Variants in STXBP6 observed in about 807,000 individuals in gnomAD.
STXBP6 encodes syntaxin-binding protein 6.
In STXBP6, 21 loss-of-function variants were observed where a neutral mutation model predicts 26.9. That is an observed-to-expected ratio of 0.78 (90% CI 0.55 to 1.12). The LOEUF is 1.12. STXBP6 is among the 50% of genes most tolerant of loss of function. The pLI, the probability that STXBP6 is intolerant of heterozygous loss-of-function variation, is 0.00. For synonymous variants in STXBP6, 97 were observed against 92.6 expected, an observed-to-expected ratio of 1.05 and a Z score of -0.27; for missense variants, 232 against 257.9, an observed-to-expected ratio of 0.90 and a Z score of 0.69.
intron 2 of STXBP6, among the ~76,000 whole-genome samples, chr14:24,965,205 G>A (rs1461151048): frequency 6.6e-6 from 1 of 151,976 alleles, no homozygotes; most frequent in East Asian, 1.9e-4. Flanking sequence ...CAAACCAGAG[G>A]GGAATGGGGA....
At chr14:24,915,015 C>T (rs1270397712) in intron 2 of STXBP6, among the ~76,000 whole-genome samples, 1 of 152,076 alleles carries the variant, frequency 6.6e-6, no homozygotes, top group Non-Finnish European at 1.5e-5. Flanking sequence ...AAGTTTGGTT[C>T]AACATTGTCT....
chr14:24,922,749 A>G (rs1279769952), intron 2 of STXBP6, among the ~76,000 whole-genome samples: 3 of 152,120 alleles, frequency 2.0e-5, no homozygotes, highest in South Asian at 2.1e-4. Flanking sequence ...GGGAAACCTT[A>G]TAACAATTCC....
intron 1 of STXBP6, among the ~76,000 whole-genome samples, chr14:25,028,829 T>G (rs961811466): frequency 3.3e-5 from 5 of 152,108 alleles, no homozygotes; most frequent in African/African-American, 1.2e-4. Context: ...ATATCAACAT[T>G]AACACGAGCT....
chr14:24,826,531 ATGCC>A (rs2068289463), intron 4 of STXBP6, among the ~76,000 whole-genome samples: 2 of 152,126 alleles, frequency 1.3e-5, no homozygotes, highest in African/African-American at 4.8e-5. Context: ...TTACTTTCGT[ATGCC>A]ACAATTCTTT....
intron 2 of STXBP6, among the ~76,000 whole-genome samples, chr14:24,944,379 A>G (rs1024779570): frequency 6.6e-6 from 1 of 152,140 alleles, no homozygotes; most frequent in African/African-American, 2.4e-5. Flanking sequence ...AATTCTAACT[A>G]AAGTTATTTT....
intron 1 of STXBP6, among the ~76,000 whole-genome samples, chr14:25,022,369 T>C (rs773937136): frequency 2.0e-5 from 3 of 152,184 alleles, no homozygotes; most frequent in Admixed American, 6.5e-5. Context: ...AGTTCCCCCA[T>C]AGGCTCAGAA....
intron 1 of STXBP6, among the ~76,000 whole-genome samples, chr14:25,042,534 A>G (rs1156672140): frequency 6.6e-6 from 1 of 152,330 alleles, no homozygotes; most frequent in African/African-American, 2.4e-5. Flanking sequence ...TCTTACTCTG[A>G]TCATACAGAT....
chr14:25,016,950 G>A (rs1327853099), intron 1 of STXBP6, among the ~76,000 whole-genome samples: 1 of 152,146 alleles, frequency 6.6e-6, no homozygotes, highest in Admixed American at 6.6e-5. Flanking sequence ...GAAATTGGAG[G>A]TAAGTGCCGT....
chr14:24,988,222 AAC>A (rs2074381795), intron 1 of STXBP6, among the ~76,000 whole-genome samples: 1 of 152,332 alleles, frequency 6.6e-6, no homozygotes, highest in East Asian at 1.9e-4. Context: ...GGTCCTTATT[AAC>A]AGAGGTAACA....
At chr14:25,001,671 C>A (rs2074764317) in intron 1 of STXBP6, among the ~76,000 whole-genome samples, 1 of 152,136 alleles carries the variant, frequency 6.6e-6, no homozygotes, top group Non-Finnish European at 1.5e-5. Context: ...TATCAGAGTT[C>A]TTTTAAATTC....
rs74037460 is a variant in STXBP6 at position 25,020,857 on chromosome 14, G to A, written c.-33+29021C>T. Reference sequence around the variant, plus strand: ...AACCTCCCTTTGTCTTTCCCCTTCCGCCCAACCCCAGTCTTAGATGATGCC... The same window carrying A: ...AACCTCCCTTTGTCTTTCCCCTTCCACCCAACCCCAGTCTTAGATGATGCC... On this transcript the variant is annotated intron_variant, in intron 1 of 5. Coordinates refer to ENST00000323944, the MANE Select transcript of STXBP6 (RefSeq NM_001394410.1). Among the ~76,000 whole-genome samples, 883 of 152,010 alleles carry A rather than the reference G, an allele frequency of 5.8e-3. 9 individuals carry two copies. Among genetic ancestry groups the A allele is most frequent in the African/African-American group, 0.02 (830 of 41,456 alleles).
intron 2 of STXBP6, among the ~76,000 whole-genome samples, chr14:24,970,953 A>C (rs2073888984): frequency 6.6e-6 from 1 of 152,224 alleles, no homozygotes; most frequent in African/African-American, 2.4e-5. Context: ...GAGGCATCTC[A>C]GTACATAAGC....
intron 2 of STXBP6, among the ~76,000 whole-genome samples, chr14:24,902,699 C>T (rs2071256035): frequency 6.6e-6 from 1 of 152,108 alleles, no homozygotes; most frequent in Admixed American, 6.6e-5. Flanking sequence ...GTCAATTAGG[C>T]CTATTTCCTA....
chr14:24,881,506 A>C (rs916432839), intron 2 of STXBP6, among the ~76,000 whole-genome samples: 1 of 137,348 alleles, frequency 7.3e-6, no homozygotes, highest in Non-Finnish European at 1.7e-5. Flanking sequence ...GAAGTAAAAC[A>C]GCAGAGATGA....
At chr14:24,899,354 T>A (rs1406894141) in intron 2 of STXBP6, among the ~76,000 whole-genome samples, 2 of 152,196 alleles carry the variant, frequency 1.3e-5, no homozygotes, top group Non-Finnish European at 2.9e-5. Flanking sequence ...AGAGACATGT[T>A]AACAAACTTT....
intron 1 of STXBP6, among the ~76,000 whole-genome samples, chr14:25,008,686 A>G (rs2140367034): frequency 6.6e-6 from 1 of 152,346 alleles, no homozygotes; most frequent in Middle Eastern, 3.4e-3. Context: ...ACTCTCAAAT[A>G]GCAATTACAT....
At chr14:24,996,355 C>T (rs1018038643) in intron 1 of STXBP6, among the ~76,000 whole-genome samples, 2 of 152,060 alleles carry the variant, frequency 1.3e-5, no homozygotes, top group African/African-American at 2.4e-5. Flanking sequence ...CACCAAATTC[C>T]TTGGTAAACT....
rs1042922419 is a variant in STXBP6, at chr14:25,017,763, T to C, written c.-33+32115A>G. Among the ~76,000 whole-genome samples the C allele has an allele frequency of 3.3e-5, 5 of 152,300 alleles. No homozygotes were observed. In the South Asian group the frequency reaches 1.0e-3, roughly 32 times the overall value. ...ACAAACATGGGAGGAAGATAGCATC[T>C]GGAGCCCTGAGGACTTACTGGACCC... On this transcript the variant is annotated intron_variant, in intron 1 of 5. Transcript: ENST00000323944.
chr14:24,883,184 T>C (rs921019241), intron 2 of STXBP6, among the ~76,000 whole-genome samples: 1 of 152,208 alleles, frequency 6.6e-6, no homozygotes, highest in Non-Finnish European at 1.5e-5. Flanking sequence ...ATAGATATGG[T>C]GTTCCTCTGA....
Sources: gnomAD v4.1 joint callset for allele counts (sites outside exome capture counted in the v4.1 genomes callset) on GRCh38, gnomAD v4.1.1 for gene constraint, MANE v1.5 for transcripts, NCBI Gene and HGNC (gene_info 2026-07-23, HGNC 2026-07-21) for gene names.